The following ZDHHC14 variants were observed in gnomAD, a reference collection of about 807,000 sequenced individuals.
The protein encoded by ZDHHC14 is palmitoyltransferase ZDHHC14.
A neutral mutation model predicts 47.7 loss-of-function variants in ZDHHC14; 16 were observed. The observed-to-expected ratio is 0.34, with a 90% confidence interval of 0.23 to 0.51. ZDHHC14 has a LOEUF of 0.51. Among genes scored for constraint, ZDHHC14 ranks in the 20% least tolerant of loss-of-function variants. The pLI, the probability that ZDHHC14 is intolerant of heterozygous loss-of-function variation, is 0.97. For missense variants in ZDHHC14, 515 were observed against 662.5 expected, an observed-to-expected ratio of 0.78 and a Z score of 2.44; for synonymous variants, 293 against 278.9, an observed-to-expected ratio of 1.05 and a Z score of -0.50.
rs1291236239 is a variant in ZDHHC14, at chr6:157,427,581, G to T, written c.245+45315G>T. The stretch of plus-strand genomic sequence containing the variant: ...CAACAGCAATGGCAAAAGGGAAACT[G>T]ATGTGATAAATCACGGGGTCCAGGC... On this transcript the variant is annotated intron_variant, in intron 1 of 8. Transcript: ENST00000359775. The surrounding 1 kb of genome is among the most constrained non-coding windows in gnomAD (Gnocchi z 4.4). Among the ~76,000 whole-genome samples, 4 of 152,138 alleles carry T rather than the reference G, an allele frequency of 2.6e-5. No homozygotes were observed. The highest frequency in any genetic ancestry group is 4.4e-5 in the Non-Finnish European group (3 of 68,032).
At position 157,675,199 on chromosome 6, in the gene ZDHHC14, G is replaced by C. The variant is rs1049402991; in HGVS notation, c.*2077G>C. ...GGCTTAGCCCTCACTCCGGTCCCAC[G>C]TGTGGCCCAGTCCATTCTCAGCTCA... On this transcript the variant is annotated 3_prime_UTR_variant, in exon 9 of 9. Coordinates refer to ENST00000359775, the MANE Select transcript of ZDHHC14 (RefSeq NM_024630.3). 5.9e-5 allele frequency: 9 copies of C among 152,226 alleles called. No individual in the cohort carries two copies. The highest frequency in any genetic ancestry group is 2.2e-4 in the African/African-American group (9 of 41,424). The allele number at this position is 152,226 out of a possible 1,614,324, so 9.4% of individuals were successfully genotyped here. A position where few individuals can be genotyped will look rare whatever the true frequency, so the allele number is the denominator to read the frequency against.
intron 1 of ZDHHC14, among the ~76,000 whole-genome samples, chr6:157,428,940 G>A (rs929129438): frequency 3.9e-5 from 6 of 152,056 alleles, no homozygotes; most frequent in Admixed American, 2.6e-4. Context: ...AGTGAGTCAC[G>A]GTTTTCCACA....
intron 2 of ZDHHC14, among the ~76,000 whole-genome samples, chr6:157,579,190 GTTTTTTTTTTTTTTTT>G (rs1187065924): frequency 4.7e-5 from 3 of 63,948 alleles, no homozygotes; most frequent in Non-Finnish European, 6.0e-5. Flanking sequence ...TTGATTCTGT[GTTTTTTTTTTTTTTTT>G]TTTTTTTTTT....
intron 8 of ZDHHC14, among the ~76,000 whole-genome samples, chr6:157,667,342 C>A (rs779689893): frequency 1.3e-5 from 2 of 151,844 alleles, no homozygotes; most frequent in Non-Finnish European, 2.9e-5. Context: ...AAAAAGCGAG[C>A]GGTGATGTCT....
chr6:157,384,531 G>A (rs1052536916), intron 1 of ZDHHC14, among the ~76,000 whole-genome samples: 11 of 152,124 alleles, frequency 7.2e-5, no homozygotes, highest in African/African-American at 2.7e-4. Context: ...CTGTGGGAGC[G>A]TATGTGTGTA....
rs111738262 is a variant in ZDHHC14 at position 157,441,616 on chromosome 6, A to G, written c.245+59350A>G. ...CACTTTGGGAGGCCAAGGTGGGTGG[A>G]TCACCTGAGATCAGGAGTTTGAGAC... On this transcript the variant is annotated intron_variant, in intron 1 of 8. Transcript: ENST00000359775. 6.0e-3 allele frequency among the ~76,000 whole-genome samples: 914 copies of G among 152,294 alleles called. 7 individuals carry two copies. The highest frequency in any genetic ancestry group is 0.021 in the African/African-American group (856 of 41,576).
intron 1 of ZDHHC14, among the ~76,000 whole-genome samples, chr6:157,388,258 CAT>C (rs10595215): frequency 0.025 from 3,867 of 152,260 alleles, 182 homozygotes; most frequent in African/African-American, 0.089. Context: ...ATTGACTACA[CAT>C]GTTTTATTGT....
chr6:157,678,153 G>A lies in ZDHHC14; in HGVS notation c.*5031G>A, dbSNP rs1244990348. On this transcript the variant is annotated 3_prime_UTR_variant, in exon 9 of 9. Coordinates refer to ENST00000359775, the MANE Select transcript of ZDHHC14 (RefSeq NM_024630.3). ...ATAAAAACTGCTAATGGCATAAAAT[G>A]TAAATTTCAGCCTTTATAAGGTAGA... 1.3e-5 allele frequency: 2 copies of A among 152,214 alleles called. No individual in the cohort carries two copies. Among genetic ancestry groups the A allele is most frequent in the East Asian group, 3.8e-4 (2 of 5,206 alleles). 9.4% of individuals were successfully genotyped at this position (152,214 alleles called of 1,614,324 possible).
At chr6:157,430,708 A>G (rs1778321967) in intron 1 of ZDHHC14, among the ~76,000 whole-genome samples, 1 of 152,218 alleles carries the variant, frequency 6.6e-6, no homozygotes, top group South Asian at 2.1e-4. Context: ...TTGCCATGTC[A>G]CTTAACGTAT....
intron 2 of ZDHHC14, among the ~76,000 whole-genome samples, chr6:157,552,191 A>G (rs1306412529): frequency 6.6e-6 from 1 of 152,180 alleles, no homozygotes; most frequent in African/African-American, 2.4e-5. Context: ...GAATATTACT[A>G]TCATTAGTAG....
At chr6:157,494,147 C>G (rs1043429899) in intron 1 of ZDHHC14, among the ~76,000 whole-genome samples, 1 of 152,212 alleles carries the variant, frequency 6.6e-6, no homozygotes, top group African/African-American at 2.4e-5. Flanking sequence ...CTAAAATGAG[C>G]GGGTTGGACT....
At chr6:157,426,434 G>T (rs144479172) in intron 1 of ZDHHC14, among the ~76,000 whole-genome samples, 1 of 152,174 alleles carries the variant, frequency 6.6e-6, no homozygotes, top group Non-Finnish European at 1.5e-5. Context: ...GCCACATGCC[G>T]CATTAGGGTC....
At chr6:157,488,903 A>G (rs969345939) in intron 1 of ZDHHC14, among the ~76,000 whole-genome samples, 1 of 152,224 alleles carries the variant, frequency 6.6e-6, no homozygotes, top group African/African-American at 2.4e-5. Flanking sequence ...TGTCTGCAGC[A>G]ATCATGCCAC....
intron 1 of ZDHHC14, among the ~76,000 whole-genome samples, chr6:157,515,180 G>A (rs1299811390): frequency 3.9e-5 from 6 of 152,106 alleles, no homozygotes; most frequent in Non-Finnish European, 8.8e-5. Context: ...CAGCCACGGC[G>A]AGTACTAATG....
At chr6:157,637,001 T>G (rs2114967080) in intron 5 of ZDHHC14, among the ~76,000 whole-genome samples, 1 of 152,346 alleles carries the variant, frequency 6.6e-6, no homozygotes, top group Admixed American at 6.5e-5. Context: ...GTGAGTCTAT[T>G]AAGAAGTATT....
At chr6:157,594,309 T>G (rs958412625) in intron 3 of ZDHHC14, among the ~76,000 whole-genome samples, 3 of 152,206 alleles carry the variant, frequency 2.0e-5, no homozygotes, top group African/African-American at 7.2e-5. Context: ...ATAGATAAAT[T>G]ACTTTCAGCC....
chr6:157,408,731 A>C (rs1268311674), intron 1 of ZDHHC14, among the ~76,000 whole-genome samples: 1 of 152,144 alleles, frequency 6.6e-6, no homozygotes, highest in Non-Finnish European at 1.5e-5. Flanking sequence ...GGTTGATTCC[A>C]TGTCTTTGCT....
chr6:157,381,846 G>T lies in ZDHHC14; in HGVS notation c.-176G>T, dbSNP rs1299720479. On this transcript the variant is annotated 5_prime_UTR_variant, in exon 1 of 9. The change creates a premature stop within an existing upstream ORF in the 5' untranslated region. Transcript: ENST00000359775. Reference sequence around the variant, plus strand: ...TTCTGCTATGACAGTTGGGCTCCCCGGAGGGTTAACCTGGGTGTCCTCGGC... The same window carrying T: ...TTCTGCTATGACAGTTGGGCTCCCCTGAGGGTTAACCTGGGTGTCCTCGGC... 1.7e-5 allele frequency: 6 copies of T among 344,198 alleles called. No homozygotes were observed. Among genetic ancestry groups the T allele is most frequent in the Non-Finnish European group, 2.4e-5 (6 of 246,850 alleles). 21.3% of individuals were successfully genotyped at this position (344,198 alleles called of 1,614,324 possible).
At chr6:157,543,080 T>G (rs912428351) in intron 2 of ZDHHC14, among the ~76,000 whole-genome samples, 1 of 152,208 alleles carries the variant, frequency 6.6e-6, no homozygotes, top group Non-Finnish European at 1.5e-5. Context: ...TGTAGGTTGC[T>G]GCCCTTTCTC....
Sources: gnomAD v4.1 joint callset for allele counts (sites outside exome capture counted in the v4.1 genomes callset) on GRCh38, gnomAD v4.1.1 for gene constraint, Gnocchi (gnomAD v3.1) non-coding constraint, MANE v1.5 for transcripts, NCBI Gene and HGNC (gene_info 2026-07-23, HGNC 2026-07-21) for gene names.